Variants in CARMIL1 observed in about 807,000 individuals in gnomAD.
The protein encoded by CARMIL1 is capping protein regulator and myosin 1 linker 1, also known as F-actin-uncapping protein LRRC16A.
CARMIL1 carries 90 observed loss-of-function variants against 177.1 expected under a neutral mutation model. The ratio of observed to expected loss-of-function variants is 0.51; its 90% CI spans 0.43 to 0.61. The LOEUF is 0.61. Ranked by LOEUF, CARMIL1 falls within the 20% of genes least tolerant of loss-of-function variation. The pLI is 0.00. For synonymous variants in CARMIL1, 577 were observed against 606.2 expected (o/e 0.95, Z 0.71); for missense variants, 1,380 against 1,667.0 (o/e 0.83, Z 3.00).
chr6:25,299,511 A>G lies in CARMIL1; in HGVS notation c.138+14602A>G, dbSNP rs1364926410. Among the ~76,000 whole-genome samples, 3 of 151,726 alleles carry G rather than the reference A, an allele frequency of 2.0e-5. No individual in the cohort carries two copies. The East Asian group carries it at 5.8e-4, about 29-fold the overall frequency. On this transcript the variant is annotated intron_variant, in intron 2 of 36. Transcript: ENST00000329474. ...AATCTCCAGGCTGTGCTGGACTCTC[A>G]CCTTCTAACCAACCTTGAGGTATTT...
chr6:25,532,404 ATTCTGAAT>A (rs1807859471), intron 24 of CARMIL1, among the ~76,000 whole-genome samples: 1 of 152,190 alleles, frequency 6.6e-6, no homozygotes, highest in Non-Finnish European at 1.5e-5. Flanking sequence ...AGATGGCATT[ATTCTGAAT>A]TATCTGAGTT....
intron 2 of CARMIL1, among the ~76,000 whole-genome samples, chr6:25,401,383 A>G (rs55733605): frequency 0.037 from 5,608 of 152,282 alleles, 122 homozygotes; most frequent in South Asian, 0.094. Context: ...GTGTGTGTAT[A>G]TATATTGGAG....
At chr6:25,324,047 A>G (rs761565489) in intron 2 of CARMIL1, among the ~76,000 whole-genome samples, 121 of 152,242 alleles carry the variant, frequency 7.9e-4, no homozygotes, top group Non-Finnish European at 6.6e-4. Flanking sequence ...TCCCAAGTCT[A>G]GATCCTCCAT....
chr6:25,542,041 A>T (rs915347272), intron 26 of CARMIL1, among the ~76,000 whole-genome samples: 2 of 152,192 alleles, frequency 1.3e-5, no homozygotes, highest in African/African-American at 4.8e-5. Context: ...TCTTCTGTAA[A>T]TTGTGTATTC....
intron 16 of CARMIL1, 83 bp downstream of exon 16, chr6:25,495,298 T>C (rs1803595717): frequency 4.3e-6 from 4 of 920,874 alleles, no homozygotes; most frequent in African/African-American, 3.4e-5. Context: ...GAGAAAGATA[T>C]ATAATCCAAA....
intron 32 of CARMIL1, among the ~76,000 whole-genome samples, chr6:25,600,039 G>A (rs963588160): frequency 6.6e-6 from 1 of 152,106 alleles, no homozygotes; most frequent in Admixed American, 6.5e-5. Context: ...AGGGAGAGGG[G>A]TTACTTTTAG....
rs752311740 is a variant in CARMIL1, at chr6:25,606,160, C to T, written c.3734C>T (p.Ser1245Phe). ...AEPKAEAGSR[S>F]RSSSSTPTSP... Reference sequence around the variant, plus strand: ...CCCAAAGCGGAAGCAGGCTCCAGGTCTCGGAGCTCATCCAGCACACCTACG... The same window carrying T: ...CCCAAAGCGGAAGCAGGCTCCAGGTTTCGGAGCTCATCCAGCACACCTACG... Residue 1245 changes from serine (S) to phenylalanine (F), a missense_variant, in exon 35 of 37, where the codon TCT becomes TTT. Coordinates refer to ENST00000329474, the MANE Select transcript of CARMIL1 (RefSeq NM_017640.6). 13 of 1,613,888 alleles carry T rather than the reference C, an allele frequency of 8.1e-6. No homozygotes were observed. The highest frequency in any genetic ancestry group is 9.3e-6 in the Non-Finnish European group (11 of 1,179,898).
intron 2 of CARMIL1, among the ~76,000 whole-genome samples, chr6:25,371,492 G>T (rs1437863888): frequency 6.6e-6 from 1 of 152,124 alleles, no homozygotes; most frequent in Non-Finnish European, 1.5e-5. Flanking sequence ...GTTTTAATTT[G>T]CATTTCCCTG....
At chr6:25,486,889 A>G (rs899097078) in intron 12 of CARMIL1, among the ~76,000 whole-genome samples, 18 of 152,094 alleles carry the variant, frequency 1.2e-4, no homozygotes, top group African/African-American at 3.6e-4. Flanking sequence ...TGTGGCACTG[A>G]CTTTTCATTG....
chr6:25,315,968 C>G (rs1784242158), intron 2 of CARMIL1, among the ~76,000 whole-genome samples: 1 of 152,200 alleles, frequency 6.6e-6, no homozygotes, highest in African/African-American at 2.4e-5. Context: ...GCACATTACA[C>G]TTGAGAAACA....
intron 32 of CARMIL1, among the ~76,000 whole-genome samples, chr6:25,595,374 G>A (rs2151294467): frequency 6.6e-6 from 1 of 152,310 alleles, no homozygotes; most frequent in Non-Finnish European, 1.5e-5. Flanking sequence ...TTAGATGGAT[G>A]TGCCTTATCT....
rs548408952 is a variant in CARMIL1 at position 25,605,554 on chromosome 6, A to G, written c.3635-507A>G. Among the ~76,000 whole-genome samples, 40 of 152,198 alleles carry G rather than the reference A, an allele frequency of 2.6e-4. 1 individual carries two copies. The South Asian group carries it at 8.3e-3, about 32-fold the overall frequency. On this transcript the variant is annotated intron_variant, in intron 34 of 36. Coordinates refer to ENST00000329474, the MANE Select transcript of CARMIL1 (RefSeq NM_017640.6). ...TAAATTAAGGCAGCAGTATGGATGG[A>G]GGTGGGGGATGAGATGACATTTCTG...
intron 32 of CARMIL1, among the ~76,000 whole-genome samples, chr6:25,596,850 G>GACACAC (rs34651019): frequency 0.22 from 32,445 of 148,984 alleles, 3,611 homozygotes; most frequent in Middle Eastern, 0.3. Flanking sequence ...CAAACACACA[G>GACACAC]ACACACACAC....
chr6:25,573,806 A>C (rs1180037353), intron 29 of CARMIL1, among the ~76,000 whole-genome samples: 2 of 152,044 alleles, frequency 1.3e-5, no homozygotes, highest in East Asian at 3.9e-4. Flanking sequence ...GAATTCTATT[A>C]AGGTTAATAT....
rs903207104 is a variant in CARMIL1 at position 25,313,085 on chromosome 6, A to G, written c.138+28176A>G. On this transcript the variant is annotated intron_variant, in intron 2 of 36. Transcript: ENST00000329474. The stretch of plus-strand genomic sequence containing the variant: ...GAGAAACTCTTCTCCCAAATTGGCC[A>G]GTAAGAACTCTGCAAAAACTGTGGA... Among the ~76,000 whole-genome samples, 5 of 152,298 alleles carry G rather than the reference A, an allele frequency of 3.3e-5. No individual in the cohort carries two copies. In the South Asian group the frequency reaches 8.3e-4, roughly 25 times the overall value.
intron 32 of CARMIL1, among the ~76,000 whole-genome samples, chr6:25,596,850 G>GACAC (rs34651019): frequency 0.19 from 28,659 of 148,952 alleles, 2,860 homozygotes; most frequent in East Asian, 0.29. Flanking sequence ...CAAACACACA[G>GACAC]ACACACACAC....
chr6:25,316,855 A>G (rs554545622), intron 2 of CARMIL1, among the ~76,000 whole-genome samples: 33 of 152,254 alleles, frequency 2.2e-4, no homozygotes, highest in Admixed American at 3.3e-4. Context: ...CAATTGTTAA[A>G]TCCTCATTAT....
At chr6:25,333,001 T>A (rs1785849070) in intron 2 of CARMIL1, among the ~76,000 whole-genome samples, 1 of 152,176 alleles carries the variant, frequency 6.6e-6, no homozygotes, top group African/African-American at 2.4e-5. Flanking sequence ...AGAGAGGCTC[T>A]CTTTTTCTGC....
At chr6:25,605,088 G>A (rs1450280298) in intron 34 of CARMIL1, among the ~76,000 whole-genome samples, 195 bp downstream of exon 34, 1 of 152,186 alleles carries the variant, frequency 6.6e-6, no homozygotes, top group African/African-American at 2.4e-5. Context: ...CTGCCCCACT[G>A]TAGCATTGTG....
Sources: allele counts gnomAD v4.1 joint callset (sites outside exome capture counted in the v4.1 genomes callset), GRCh38; gene constraint gnomAD v4.1.1; transcripts MANE v1.5; gene names NCBI Gene and HGNC (gene_info 2026-07-23, HGNC 2026-07-21).